Variants in ZNF197 observed in about 807,000 individuals in gnomAD.
The protein encoded by ZNF197 is VHL-associated KRAB-A domain-containing protein.
A neutral mutation model predicts 27.4 loss-of-function variants in ZNF197; 14 were observed. The ratio of observed to expected loss-of-function variants is 0.51; its 90% CI spans 0.34 to 0.80. The LOEUF is 0.80. Ranked by LOEUF, ZNF197 falls within the 30% of genes least tolerant of loss-of-function variation. The pLI is 0.02. For synonymous variants in ZNF197, 415 were observed against 420.0 expected (o/e 0.99, Z 0.15); for missense variants, 1,090 against 1,222.6 (o/e 0.89, Z 1.62).
intron 3 of ZNF197, 90 bp downstream of exon 3, chr3:44,631,311 C>A (rs1055519147): frequency 2.6e-6 from 4 of 1,520,654 alleles, no homozygotes; most frequent in Non-Finnish European, 3.6e-6. Context: ...TCCTCTGCTA[C>A]CCTGTCTAGG....
In ZNF197 at chr3:44,632,107, T is replaced by C. The variant is rs759236988; in HGVS notation, c.553T>C (p.Ser185Pro). ...TGCAGCTTTTTCTCCCTCCTCAGAT[T>C]CTCCTGCCCCTGAAGCTTCTGCCCT... is the stretch of plus-strand genomic sequence containing the variant. ...AFNLQDPQHD[S>P]PAPEASALSQ... The change falls in exon 4 of 6, where the codon TCT becomes CCT. Residue 185 changes from serine to proline, a missense_variant and splice_region_variant. Transcript: ENST00000344387. 69 of 1,613,940 alleles carry C rather than the reference T, an allele frequency of 4.3e-5. No individual in the cohort carries two copies. In the South Asian group the frequency reaches 7.0e-4, roughly 16 times the overall value.
At position 44,642,144 on chromosome 3, in the gene ZNF197, GAAAC is replaced by G; in HGVS notation, c.1017_1020del (p.Gln340AlafsTer7). 6.2e-7 allele frequency: 1 copy of G among 1,614,120 alleles called. No homozygotes were observed. The highest frequency in any genetic ancestry group is 2.2e-5 in the East Asian group (1 of 44,878). On this transcript the variant is annotated frameshift_variant, in exon 6 of 6. Coordinates refer to ENST00000344387, the MANE Select transcript of ZNF197 (RefSeq NM_006991.5). LOFTEE classifies it low-confidence loss of function (END_TRUNC). ...ACAAGAAGAAAAGGACTCCACCAGA[GAAAC>G]AAGGCCAAAAGTGGAAGGAATTAGG... is the stretch of plus-strand genomic sequence containing the variant.
chr3:44,629,433 C>T lies in ZNF197; in HGVS notation c.279C>T (p.Ile93=), dbSNP rs1701855792. 6.2e-7 allele frequency: 1 copy of T among 1,614,006 alleles called. No homozygotes were observed. The highest frequency in any genetic ancestry group is 8.5e-7 in the Non-Finnish European group (1 of 1,180,022). ...ELLVLEQFLS[I]LPGEIRTWVQ... ...TGGTGCTGGAGCAGTTTCTGAGCAT[C>T]CTGCCTGGGGAGATTCGGACCTGGG... Residue 93 remains isoleucine, a synonymous_variant, in exon 2 of 6, where the codon ATC becomes ATT. Coordinates refer to ENST00000344387, the MANE Select transcript of ZNF197 (RefSeq NM_006991.5).
chr3:44,629,167 A>G lies in ZNF197; in HGVS notation c.13A>G (p.Asn5Asp), dbSNP rs1701835474. ...TCAAAAAACAACAATGACAAGAGAAAATGTAGCCCACAATGCTCTGAGACA... is the reference window on the plus strand; with the variant it reads ...TCAAAAAACAACAATGACAAGAGAAGATGTAGCCCACAATGCTCTGAGACA... MTRE[N>D]VAHNALRQEG... The change falls in exon 2 of 6, where the codon AAT becomes GAT. Residue 5 changes from asparagine (N) to aspartate (D), a missense_variant. Transcript: ENST00000344387. 3.1e-6 allele frequency: 5 copies of G among 1,605,354 alleles called. No individual in the cohort carries two copies. The Middle Eastern group carries it at 5.0e-4, about 162-fold the overall frequency.
At chr3:44,633,100 T>C (rs371710246) in intron 5 of ZNF197, among the ~76,000 whole-genome samples, 2 of 152,230 alleles carry the variant, frequency 1.3e-5, no homozygotes, top group Non-Finnish European at 2.9e-5. Flanking sequence ...TTACTTTCTG[T>C]AGCGATCCCT....
In ZNF197 at chr3:44,640,672, C is replaced by A. The variant is rs1702549705; in HGVS notation, c.770-1228C>A. On this transcript the variant is annotated intron_variant, in intron 5 of 5. Transcript: ENST00000344387. The surrounding 1 kb of genome is among the most constrained non-coding windows in gnomAD (Gnocchi z 4.0). ...GAATTACAGGCATGAGCCACCATGC[C>A]CGGCCTCTCCTTATGTTTGAAACCT... is the stretch of plus-strand genomic sequence containing the variant. 6.6e-6 allele frequency among the ~76,000 whole-genome samples: 1 copy of A among 152,174 alleles called. No homozygotes were observed. Among genetic ancestry groups the A allele is most frequent in the Non-Finnish European group, 1.5e-5 (1 of 68,042 alleles).
intron 5 of ZNF197, among the ~76,000 whole-genome samples, chr3:44,633,575 A>G (rs1702124222): frequency 6.6e-6 from 1 of 152,260 alleles, no homozygotes; most frequent in Admixed American, 6.5e-5. Flanking sequence ...ATCAACGTTC[A>G]GAACTGGGTA....
chr3:44,637,607 G>A (rs750831644), intron 5 of ZNF197, among the ~76,000 whole-genome samples: 14 of 151,684 alleles, frequency 9.2e-5, no homozygotes, highest in Non-Finnish European at 1.8e-4. Context: ...CTTACATTTC[G>A]GTCTTTTATC....
At position 44,645,357 on chromosome 3, in the gene ZNF197, T is replaced by C. The variant is rs1202523048; in HGVS notation, c.*1137T>C. 2.0e-6 allele frequency: 2 copies of C among 984,662 alleles called. No individual in the cohort carries two copies. The highest frequency in any genetic ancestry group is 1.8e-5 in the African/African-American group (1 of 56,608). The allele number at this position is 984,662 out of a possible 1,614,324, so 61.0% of individuals were successfully genotyped here. On this transcript the variant is annotated 3_prime_UTR_variant, in exon 6 of 6. Coordinates refer to ENST00000344387, the MANE Select transcript of ZNF197 (RefSeq NM_006991.5). ...GGGATTCCAGGAACCTAAAAGATAC[T>C]CATTTTCATAAGAGGAAGTATGGTG...
At chr3:44,636,065 G>T (rs1223379401) in intron 5 of ZNF197, among the ~76,000 whole-genome samples, 1 of 152,160 alleles carries the variant, frequency 6.6e-6, no homozygotes, top group Non-Finnish European at 1.5e-5. Context: ...AGCCGTTTGG[G>T]AGGCCAAGGC....
In ZNF197 at chr3:44,643,900, C is replaced by G; in HGVS notation, c.2770C>G (p.His924Asp). Residue 924 changes from histidine (H) to aspartate (D), a missense_variant, in exon 6 of 6, where the codon CAC becomes GAC. Coordinates refer to ENST00000344387, the MANE Select transcript of ZNF197 (RefSeq NM_006991.5). ...NKNLVVHQRMHTGEKPYECDK... is the reference protein window; with the variant it reads ...NKNLVVHQRMDTGEKPYECDK... ...AAACCTTGTTGTACATCAGAGAATG[C>G]ACACTGGGGAAAAACCTTATGAGTG... 6.2e-7 allele frequency: 1 copy of G among 1,613,734 alleles called. No homozygotes were observed. Among genetic ancestry groups the G allele is most frequent in the Non-Finnish European group, 8.5e-7 (1 of 1,179,864 alleles).
chr3:44,629,473 C>T lies in ZNF197; in HGVS notation c.319C>T (p.Pro107Ser), dbSNP rs2125794640. ...TCGGACCTGGGTACAGCTCCATCAC[C>T]CTGGAAGTGGCGAGGAGGCTGTGGC... ...EIRTWVQLHH[P>S]GSGEEAVALV... Residue 107 changes from proline (P) to serine (S), a missense_variant, in exon 2 of 6, where the codon CCT becomes TCT. Coordinates refer to ENST00000344387, the MANE Select transcript of ZNF197 (RefSeq NM_006991.5). 6.2e-7 allele frequency: 1 copy of T among 1,609,658 alleles called. No homozygotes were observed. Among genetic ancestry groups the T allele is most frequent in the East Asian group, 2.2e-5 (1 of 44,846 alleles).
chr3:44,638,512 A>G (rs1037848946), intron 5 of ZNF197, among the ~76,000 whole-genome samples: 1 of 152,156 alleles, frequency 6.6e-6, no homozygotes, highest in Admixed American at 6.5e-5. Context: ...AGATTTTGTC[A>G]TCTGCAAATA....
At chr3:44,639,870 A>G (rs1353891343) in intron 5 of ZNF197, among the ~76,000 whole-genome samples, 2 of 152,074 alleles carry the variant, frequency 1.3e-5, no homozygotes, top group South Asian at 2.1e-4. Context: ...ATGATAGTTG[A>G]TACCAGAAAA....
chr3:44,636,687 A>C (rs1330388184), intron 5 of ZNF197, among the ~76,000 whole-genome samples: 2 of 152,054 alleles, frequency 1.3e-5, no homozygotes, highest in Non-Finnish European at 2.9e-5. Context: ...TTTGTGTATA[A>C]TTTTTTGTGT....
In ZNF197 at chr3:44,642,955, T is replaced by G. The variant is rs1402987980; in HGVS notation, c.1825T>G (p.Phe609Val). ...GAAGATTTTCAGTTCTAAGTCAAAC[T>G]TCATTGACCATAAGAGGATGCACAG... ...CGKIFSSKSN[F>V]IDHKRMHSRE... Residue 609 changes from phenylalanine to valine, a missense_variant, in exon 6 of 6, where the codon TTC becomes GTC. By Grantham distance (50) the Phe-to-Val change is conservative. Coordinates refer to ENST00000344387, the MANE Select transcript of ZNF197 (RefSeq NM_006991.5). The G allele has an allele frequency of 6.2e-7, 1 of 1,613,904 alleles. No homozygotes were observed. Among genetic ancestry groups the G allele is most frequent in the Middle Eastern group, 1.7e-4 (1 of 6,060 alleles).
At chr3:44,631,283 T>A in intron 3 of ZNF197, 62 bp downstream of exon 3, 1 of 1,595,670 alleles carries the variant, frequency 6.3e-7, no homozygotes, top group Non-Finnish European at 8.6e-7. Context: ...CTCATCCCCC[T>A]ACTTCCAGGG....
At chr3:44,636,230 G>A (rs922934303) in intron 5 of ZNF197, among the ~76,000 whole-genome samples, 6 of 151,604 alleles carry the variant, frequency 4.0e-5, no homozygotes, top group African/African-American at 1.5e-4. Flanking sequence ...GCTTGAACCC[G>A]GGAGGCAGAG....
rs1344583632 is a variant in ZNF197 at position 44,644,577 on chromosome 3, TGCAGTGAGCCAGGATCGC to T, written c.*360_*377del. On this transcript the variant is annotated 3_prime_UTR_variant, in exon 6 of 6. Coordinates refer to ENST00000344387, the MANE Select transcript of ZNF197 (RefSeq NM_006991.5). ...CGCTTGAACCTGGGAGGGCGGAGGTTGCAGTGAGCCAGGATCGCGCCATTGCACTCCAGCCTGGGCAAC... is the reference window on the plus strand; with the variant it reads ...CGCTTGAACCTGGGAGGGCGGAGGTTGCCATTGCACTCCAGCCTGGGCAAC... The T allele has an allele frequency of 1.0e-6, 1 of 969,274 alleles. No homozygotes were observed. Among genetic ancestry groups the T allele is most frequent in the Non-Finnish European group, 1.2e-6 (1 of 811,796 alleles). The allele number at this position is 969,274 out of a possible 1,614,324, so 60.0% of individuals were successfully genotyped here.
Sources: allele counts gnomAD v4.1 joint callset (sites outside exome capture counted in the v4.1 genomes callset), GRCh38; gene constraint gnomAD v4.1.1; non-coding constraint Gnocchi (gnomAD v3.1); transcripts MANE v1.5; gene names NCBI Gene and HGNC (gene_info 2026-07-23, HGNC 2026-07-21).